The following VPS50 variants were observed in gnomAD, a reference collection of about 807,000 sequenced individuals.
VPS50 encodes the protein VPS50 subunit of EARP/GARPII complex, also known as syndetin.
In VPS50, 70 loss-of-function variants were observed where a neutral mutation model predicts 139.7. The ratio of observed to expected loss-of-function variants is 0.50; its 90% CI spans 0.41 to 0.61. The LOEUF (loss-of-function observed/expected upper bound fraction) is 0.61. Among genes scored for constraint, VPS50 ranks in the 20% least tolerant of loss-of-function variants. The probability of loss-of-function intolerance (pLI) is 0.00; values close to 1 mark genes in which losing one functional copy is unlikely to be tolerated. For synonymous variants in VPS50, 365 were observed against 376.7 expected, an observed-to-expected ratio of 0.97 and a Z score of 0.36; for missense variants, 921 against 1,133.7, an observed-to-expected ratio of 0.81 and a Z score of 2.69.
At chr7:93,290,315 C>G (rs1796612617) in intron 12 of VPS50, among the ~76,000 whole-genome samples, 1 of 151,876 alleles carries the variant, frequency 6.6e-6, no homozygotes, top group Admixed American at 6.6e-5. Context: ...TTGTTAAATA[C>G]CAGCCCATAT....
rs1206025519 is a variant in VPS50, at chr7:93,336,195, TA to T, written c.2058+2002del. Reference sequence around the variant, plus strand: ...CCTTATATTTCTCTTGCACGTCAGTTAAAATCTTAATAAATACTTTTTTGGT... The same window carrying T: ...CCTTATATTTCTCTTGCACGTCAGTTAAATCTTAATAAATACTTTTTTGGT... On this transcript the variant is annotated intron_variant, in intron 22 of 27. Transcript: ENST00000305866. 4.0e-4 allele frequency among the ~76,000 whole-genome samples: 61 copies of T among 152,332 alleles called. 1 individual carries two copies. In the Middle Eastern group the frequency reaches 0.027, roughly 68 times the overall value.
chr7:93,299,827 T>C (rs374405936), intron 16 of VPS50, among the ~76,000 whole-genome samples: 1 of 152,120 alleles, frequency 6.6e-6, no homozygotes, highest in Non-Finnish European at 1.5e-5. Flanking sequence ...ACTAAGTTTA[T>C]ATACACCCAA....
chr7:93,278,917 A>C (rs780641525), intron 12 of VPS50, among the ~76,000 whole-genome samples: 4 of 152,136 alleles, frequency 2.6e-5, no homozygotes, highest in African/African-American at 4.8e-5. Flanking sequence ...TTATTTGTCT[A>C]ACACAGTTGT....
chr7:93,292,461 C>T (rs1280828249), intron 13 of VPS50, among the ~76,000 whole-genome samples: 1 of 151,954 alleles, frequency 6.6e-6, no homozygotes, highest in Non-Finnish European at 1.5e-5. Flanking sequence ...TATATCTTAA[C>T]TGATTATCCT....
chr7:93,316,303 A>G (rs917583719), intron 20 of VPS50, among the ~76,000 whole-genome samples: 2 of 152,220 alleles, frequency 1.3e-5, no homozygotes, highest in Non-Finnish European at 2.9e-5. Flanking sequence ...AGACTGTCCT[A>G]TGCAGCTTGG....
At chr7:93,295,360 A>G (rs1322313463) in intron 14 of VPS50, 1 of 152,152 alleles carries the variant, frequency 6.6e-6, no homozygotes, top group Non-Finnish European at 1.5e-5. Flanking sequence ...TAATCTAATT[A>G]ATGAGGGCTC....
Position 93,252,757 on chromosome 7 carries a change from T to A in VPS50, c.207T>A (p.Ile69=). 3.1e-6 allele frequency: 5 copies of A among 1,588,812 alleles called. No homozygotes were observed. Among genetic ancestry groups the A allele is most frequent in the Non-Finnish European group, 4.3e-6 (5 of 1,163,158 alleles). The part of the protein sequence containing the change: ...QVYFSVDSFD[I]VKYELEKLPP... ...ATTTTTCTGTGGATTCATTTGATAT[T>A]GTTAAATATGAGCTGGAGGTAAACA... The change falls in exon 3 of 28, where the codon ATT becomes ATA. Residue 69 remains isoleucine (I), a synonymous_variant. Transcript: ENST00000305866.
rs1796764616 is a variant in VPS50 at position 93,294,933 on chromosome 7, G to T, written c.1167+297G>T. On this transcript the variant is annotated intron_variant, in intron 14 of 27. Coordinates refer to ENST00000305866, the MANE Select transcript of VPS50 (RefSeq NM_017667.4). ...TCATAGAGAAATGTATGCTTTCTCA[G>T]TGAGATGTTCTGTTTATTATTTCAT... 1.3e-5 allele frequency among the ~76,000 whole-genome samples: 2 copies of T among 151,726 alleles called. 1 individual carries two copies. The highest frequency in any genetic ancestry group is 4.1e-4 in the South Asian group (2 of 4,830).
At chr7:93,323,025 A>G (rs1190400636) in intron 20 of VPS50, among the ~76,000 whole-genome samples, 3 of 152,210 alleles carry the variant, frequency 2.0e-5, no homozygotes, top group Non-Finnish European at 4.4e-5. Context: ...GAGCTCTTGA[A>G]TGATACAGTG....
chr7:93,293,231 T>G (rs966031654), intron 13 of VPS50, among the ~76,000 whole-genome samples: 2 of 152,164 alleles, frequency 1.3e-5, no homozygotes, highest in African/African-American at 4.8e-5. Context: ...GTGAAATACC[T>G]GGAGACTGTT....
At chr7:93,288,571 G>T (rs1269772903) in intron 12 of VPS50, among the ~76,000 whole-genome samples, 1 of 152,112 alleles carries the variant, frequency 6.6e-6, no homozygotes, top group Admixed American at 6.6e-5. Context: ...CCCTCCTTGG[G>T]ATTGTACTAT....
At chr7:93,322,750 T>A (rs1053876620) in intron 20 of VPS50, among the ~76,000 whole-genome samples, 1 of 151,884 alleles carries the variant, frequency 6.6e-6, no homozygotes, top group East Asian at 1.9e-4. Flanking sequence ...GAGCATTTTT[T>A]AATAGATATG....
At chr7:93,358,027 G>C (rs1378812393) in intron 27 of VPS50, among the ~76,000 whole-genome samples, 2 of 152,128 alleles carry the variant, frequency 1.3e-5, no homozygotes, top group African/African-American at 2.4e-5. Context: ...TGTAAAGTGT[G>C]TGATCATCAA....
In VPS50 at chr7:93,360,641, A is replaced by G. The variant is rs1798810665; in HGVS notation, c.*2205A>G. ...ATGTAAATGGAATTATACGTGTTCC[A>G]AAAACTATCATTACCAAAAATTTAT... On this transcript the variant is annotated 3_prime_UTR_variant, in exon 28 of 28. Coordinates refer to ENST00000305866, the MANE Select transcript of VPS50 (RefSeq NM_017667.4). The G allele has an allele frequency of 6.6e-6, 1 of 152,070 alleles. No homozygotes were observed. The highest frequency in any genetic ancestry group is 2.1e-4 in the South Asian group (1 of 4,830). The allele number at this position is 152,070 out of a possible 1,614,324, so 9.4% of individuals were successfully genotyped here.
chr7:93,296,642 T>C, intron 14 of VPS50, 100 bp from the exon 15 acceptor site: 1 of 1,502,106 alleles, frequency 6.7e-7, no homozygotes, highest in Non-Finnish European at 8.8e-7. Flanking sequence ...TAGGAATATA[T>C]TCCTGTCTCA....
Position 93,259,649 on chromosome 7 carries a change from G to C in VPS50, c.659+17G>C, listed in dbSNP as rs756721124. The C allele has an allele frequency of 7.3e-7, 1 of 1,371,288 alleles. No individual in the cohort carries two copies. Among genetic ancestry groups the C allele is most frequent in the South Asian group, 1.2e-5 (1 of 83,444 alleles). The allele number at this position is 1,371,288 out of a possible 1,614,324, so 84.9% of individuals were successfully genotyped here. ...TTGTATAAGGTAAGGTCATGTAAAT[G>C]TTTTAAAGCAGATTCTGTTGTCAGC... is the stretch of plus-strand genomic sequence containing the variant. On this transcript the variant is annotated intron_variant, in intron 9 of 27. Transcript: ENST00000305866.
chr7:93,338,833 A>AT (rs1229383214), intron 22 of VPS50, among the ~76,000 whole-genome samples: 3 of 152,222 alleles, frequency 2.0e-5, no homozygotes, highest in Non-Finnish European at 4.4e-5. Context: ...AAACTGGCAT[A>AT]GAAATAGGAG....
chr7:93,294,656 AT>A lies in VPS50; in HGVS notation c.1167+27del, dbSNP rs1161470759. On this transcript the variant is annotated intron_variant, in intron 14 of 27. Coordinates refer to ENST00000305866, the MANE Select transcript of VPS50 (RefSeq NM_017667.4). Reference sequence around the variant, plus strand: ...TGGCAGGTTTGGTTTTTTTAAAATTATTTTTTTCACAGAAGCAATAGAAATG... The same window carrying A: ...TGGCAGGTTTGGTTTTTTTAAAATTATTTTTTCACAGAAGCAATAGAAATG... 2 of 1,545,784 alleles carry A rather than the reference AT, an allele frequency of 1.3e-6. No homozygotes were observed. Among genetic ancestry groups the A allele is most frequent in the East Asian group, 4.6e-5 (2 of 43,898 alleles).
At chr7:93,351,428 C>T (rs1210216425) in intron 25 of VPS50, among the ~76,000 whole-genome samples, 2 of 151,532 alleles carry the variant, frequency 1.3e-5, no homozygotes, top group Non-Finnish European at 2.9e-5. Flanking sequence ...CTGTCTTAGT[C>T]CTTTAGGATA....
Sources: gnomAD v4.1 joint callset for allele counts (sites outside exome capture counted in the v4.1 genomes callset) on GRCh38, gnomAD v4.1.1 for gene constraint, MANE v1.5 for transcripts, NCBI Gene and HGNC (gene_info 2026-07-23, HGNC 2026-07-21) for gene names.